TRHDE: variants seen among roughly 807,000 people sequenced by gnomAD.
TRHDE encodes thyrotropin-releasing hormone-degrading ectoenzyme.
A neutral mutation model predicts 125.7 loss-of-function variants in TRHDE; 72 were observed. That is an observed-to-expected ratio of 0.57 (90% CI 0.47 to 0.70). TRHDE has a LOEUF of 0.70. Ranked by LOEUF, TRHDE falls within the 30% of genes least tolerant of loss-of-function variation. TRHDE has a pLI of 0.00. For missense variants in TRHDE, 1,110 were observed against 1,327.1 expected, an observed-to-expected ratio of 0.84 and a Z score of 2.54; for synonymous variants, 509 against 509.1, an observed-to-expected ratio of 1.00 and a Z score of 0.00.
chr12:72,426,908 A>G (rs1012491047), intron 3 of TRHDE, among the ~76,000 whole-genome samples: 12 of 152,220 alleles, frequency 7.9e-5, no homozygotes, highest in South Asian at 4.1e-4. Flanking sequence ...TCTCCATGAA[A>G]AGAAAATTCA....
chr12:72,222,684 G>A (rs1241250361), intron 2 of TRHDE, among the ~76,000 whole-genome samples: 1 of 152,024 alleles, frequency 6.6e-6, no homozygotes, highest in African/African-American at 2.4e-5. Flanking sequence ...TGGATGTCAC[G>A]GCCTGAGTAA....
chr12:72,503,241 G>T (rs1254863145), intron 6 of TRHDE, among the ~76,000 whole-genome samples: 20 of 152,040 alleles, frequency 1.3e-4, no homozygotes, highest in Non-Finnish European at 4.4e-5. Flanking sequence ...ATCTGATGGG[G>T]TTGTTATGAT....
intron 2 of TRHDE, among the ~76,000 whole-genome samples, chr12:72,213,235 T>A (rs909673102): frequency 6.6e-6 from 1 of 151,942 alleles, no homozygotes; most frequent in East Asian, 2.0e-4. Context: ...TTGGTTGCTT[T>A]TAGCGGGACA....
chr12:72,205,882 T>G (rs1592483136), intron 2 of TRHDE, among the ~76,000 whole-genome samples: 1 of 152,286 alleles, frequency 6.6e-6, no homozygotes, highest in East Asian at 1.9e-4. Context: ...ACGGGATTAT[T>G]GGATTTTATG....
intron 15 of TRHDE, among the ~76,000 whole-genome samples, chr12:72,645,193 A>G (rs1307701740): frequency 6.6e-6 from 1 of 152,246 alleles, no homozygotes; most frequent in African/African-American, 2.4e-5. Context: ...CTTCAAAAAA[A>G]CTATCATAAA....
intron 2 of TRHDE, among the ~76,000 whole-genome samples, chr12:72,246,928 CTG>C (rs1878585817): frequency 6.6e-6 from 1 of 152,280 alleles, no homozygotes; most frequent in South Asian, 2.1e-4. Context: ...GAAAGAAAAA[CTG>C]TATTCAGTTG....
intron 12 of TRHDE, among the ~76,000 whole-genome samples, chr12:72,581,260 G>C (rs1225182518): frequency 6.6e-6 from 1 of 152,174 alleles, no homozygotes; most frequent in East Asian, 1.9e-4. Flanking sequence ...ATTTGCAATA[G>C]AAAATATAAT....
At chr12:72,342,504 A>G (rs1489988975) in intron 2 of TRHDE, among the ~76,000 whole-genome samples, 2 of 152,124 alleles carry the variant, frequency 1.3e-5, no homozygotes, top group African/African-American at 4.8e-5. Context: ...GAAAGAAATA[A>G]TGAAGAGAAT....
intron 7 of TRHDE, among the ~76,000 whole-genome samples, chr12:72,555,539 A>G (rs1449113239): frequency 6.6e-6 from 1 of 152,156 alleles, no homozygotes; most frequent in Non-Finnish European, 1.5e-5. Flanking sequence ...ATTATTTTTT[A>G]ATCTTTGCAT....
intron 6 of TRHDE, among the ~76,000 whole-genome samples, chr12:72,519,096 A>G (rs1200512091): frequency 6.6e-6 from 1 of 151,806 alleles, no homozygotes; most frequent in Non-Finnish European, 1.5e-5. Context: ...CTTCATTTCA[A>G]CTTTGGTGAA....
intron 2 of TRHDE, among the ~76,000 whole-genome samples, chr12:72,201,749 T>C (rs1196103998): frequency 1.3e-5 from 2 of 152,184 alleles, no homozygotes; most frequent in African/African-American, 2.4e-5. Context: ...GCAGCAGTTA[T>C]TAGGCCAGCT....
chr12:72,641,310 G>T (rs1874051000), intron 15 of TRHDE, among the ~76,000 whole-genome samples: 1 of 151,990 alleles, frequency 6.6e-6, no homozygotes, highest in South Asian at 2.1e-4. Context: ...AACAGTAACA[G>T]AATTTATTTT....
chr12:72,331,270 C>T (rs1869582605), intron 2 of TRHDE, among the ~76,000 whole-genome samples: 1 of 152,168 alleles, frequency 6.6e-6, no homozygotes, highest in Non-Finnish European at 1.5e-5. Flanking sequence ...AAACCATGTG[C>T]TAACCACTAT....
At chr12:72,528,032 G>C (rs895883174) in intron 6 of TRHDE, among the ~76,000 whole-genome samples, 3 of 151,940 alleles carry the variant, frequency 2.0e-5, no homozygotes, top group Admixed American at 2.0e-4. Flanking sequence ...ATCGTTTTTT[G>C]CATGATAAAC....
At chr12:72,122,763 C>T (rs1431310844) in intron 2 of TRHDE, among the ~76,000 whole-genome samples, 1 of 152,018 alleles carries the variant, frequency 6.6e-6, no homozygotes. Context: ...AATAGGTCTT[C>T]TATGTGAGTA....
At position 72,315,202 on chromosome 12, in the gene TRHDE, T is replaced by C. The variant is rs138695972; in HGVS notation, c.1188+28248T>C. ...TTCTAGTTTTTCTCAGCTACTTGCC[T>C]CAAACCCTTTGCATAATTTAGGTGA... On this transcript the variant is annotated intron_variant, in intron 2 of 18. Transcript: ENST00000261180. Among the ~76,000 whole-genome samples the C allele has an allele frequency of 7.9e-5, 12 of 152,348 alleles. No homozygotes were observed. In the East Asian group the frequency reaches 2.3e-3, roughly 29 times the overall value.
chr12:72,300,373 C>G (rs1006798445), intron 2 of TRHDE, among the ~76,000 whole-genome samples: 1 of 91,612 alleles, frequency 1.1e-5, no homozygotes, highest in Non-Finnish European at 2.6e-5. Context: ...TATACACACA[C>G]ACACACACAC....
rs546371487 is a variant in TRHDE, at chr12:72,411,036, C to CA, written c.1315+32922dup. Among the ~76,000 whole-genome samples the CA allele has an allele frequency of 2.5e-3, 374 of 151,558 alleles. 1 individual carries two copies. The highest frequency in any genetic ancestry group is 5.6e-3 in the African/African-American group (233 of 41,324). ...TGAAACCACGTCTCTACTAAAAATACAAAAAAATACAAAAAAATTAGCTGG... is the reference window on the plus strand; with the variant it reads ...TGAAACCACGTCTCTACTAAAAATACAAAAAAAATACAAAAAAATTAGCTGG... On this transcript the variant is annotated intron_variant, in intron 3 of 18. Transcript: ENST00000261180.
At chr12:72,307,663 G>A (rs1251154441) in intron 2 of TRHDE, among the ~76,000 whole-genome samples, 3 of 152,132 alleles carry the variant, frequency 2.0e-5, no homozygotes, top group African/African-American at 7.2e-5. Context: ...TATGGGTTGT[G>A]AGAAAACAAG....
Sources: gnomAD v4.1 joint callset for allele counts (sites outside exome capture counted in the v4.1 genomes callset) on GRCh38, gnomAD v4.1.1 for gene constraint, MANE v1.5 for transcripts, NCBI Gene and HGNC (gene_info 2026-07-23, HGNC 2026-07-21) for gene names.